Variants in SHKBP1 observed in about 807,000 individuals in gnomAD.
The protein encoded by SHKBP1 is SH3KBP1-binding protein 1.
A neutral mutation model predicts 83.9 loss-of-function variants in SHKBP1; 71 were observed. That is an observed-to-expected ratio of 0.85 (90% CI 0.70 to 1.03). The LOEUF (loss-of-function observed/expected upper bound fraction) is 1.03. Among genes scored for constraint, SHKBP1 ranks in the 50% least tolerant of loss-of-function variants. SHKBP1 has a pLI of 0.00. For missense variants in SHKBP1, 824 were observed against 982.4 expected, an observed-to-expected ratio of 0.84 and a Z score of 2.16; for synonymous variants, 371 against 398.0, an observed-to-expected ratio of 0.93 and a Z score of 0.81.
In SHKBP1 at chr19:40,577,569, A is replaced by C. The variant is rs749998403; in HGVS notation, c.199A>C (p.Arg67=). Residue 67 remains arginine (R), a synonymous_variant, in exon 4 of 18, where the codon AGG becomes CGG. Coordinates refer to ENST00000291842, the MANE Select transcript of SHKBP1 (RefSeq NM_138392.4). Reference sequence around the variant, plus strand: ...CCCTTTCCCGCAGATCTTCATCGACAGGGACCCTACAGTCTTCGCCCCCAT... The same window carrying C: ...CCCTTTCCCGCAGATCTTCATCGACCGGGACCCTACAGTCTTCGCCCCCAT... ...KDETGAIFID[R]DPTVFAPILN... The C allele has an allele frequency of 5.6e-6, 9 of 1,614,074 alleles. No individual in the cohort carries two copies. The South Asian group carries it at 9.9e-5, about 18-fold the overall frequency.
chr19:40,590,159 C>G lies in SHKBP1; in HGVS notation c.1590-85C>G. 1 of 1,404,666 alleles carries G rather than the reference C, an allele frequency of 7.1e-7. No individual in the cohort carries two copies. The highest frequency in any genetic ancestry group is 1.4e-5 in the South Asian group (1 of 71,204). 87.0% of individuals were successfully genotyped at this position (1,404,666 alleles called of 1,614,324 possible). On this transcript the variant is annotated intron_variant, in intron 15 of 17. Coordinates refer to ENST00000291842, the MANE Select transcript of SHKBP1 (RefSeq NM_138392.4). The surrounding 1 kb of genome is among the most constrained non-coding windows in gnomAD (Gnocchi z 4.6). ...AAGATTGGGATGGCCCCTGGAGAGG[C>G]AGGAACTGCAGCCACAGTGGTGGGG...
rs1258986473 is a variant in SHKBP1, at chr19:40,585,003, ATCT to A, written c.1165+1290_1165+1292del. ...TCCTTACCTATTCTAGGTTACAAAG[ATCT>A]TCTCCTGAATTTCTTCTAGAAGATT... On this transcript the variant is annotated intron_variant, in intron 12 of 17. Transcript: ENST00000291842. 2.0e-5 allele frequency among the ~76,000 whole-genome samples: 3 copies of A among 152,204 alleles called. No homozygotes were observed. In the East Asian group the frequency reaches 5.8e-4, roughly 29 times the overall value.
At position 40,582,479 on chromosome 19, in the gene SHKBP1, G is replaced by C; in HGVS notation, c.960+13G>C. ...CAAGCACTGGCAGGTCAGAGTTCTG[G>C]CCAGCCTGGCTGCCCCCTTCCCAGT... On this transcript the variant is annotated intron_variant, in intron 10 of 17. Coordinates refer to ENST00000291842, the MANE Select transcript of SHKBP1 (RefSeq NM_138392.4). 1 of 1,609,844 alleles carries C rather than the reference G, an allele frequency of 6.2e-7. No individual in the cohort carries two copies. Among genetic ancestry groups the C allele is most frequent in the Non-Finnish European group, 8.5e-7 (1 of 1,176,540 alleles).
rs1438736215 is a variant in SHKBP1 at position 40,588,674 on chromosome 19, G to A, written c.1387G>A (p.Gly463Ser). 3 of 1,614,026 alleles carry A rather than the reference G, an allele frequency of 1.9e-6. No individual in the cohort carries two copies. Among genetic ancestry groups the A allele is most frequent in the Non-Finnish European group, 2.5e-6 (3 of 1,180,026 alleles). ...VRTWSVTRFR[G>S]MISTQPGSTP... ...GACATGGTCTGTGACTCGCTTCCGCGGCATGATTTCCACCCAGCCCGGCTC... is the reference window on the plus strand; with the variant it reads ...GACATGGTCTGTGACTCGCTTCCGCAGCATGATTTCCACCCAGCCCGGCTC... Residue 463 changes from glycine (G) to serine (S), a missense_variant, in exon 14 of 18, where the codon GGC becomes AGC. Gly to Ser is a moderately conservative substitution (Grantham distance 56). Coordinates refer to ENST00000291842, the MANE Select transcript of SHKBP1 (RefSeq NM_138392.4).
intron 12 of SHKBP1, among the ~76,000 whole-genome samples, chr19:40,583,963 C>G (rs1466827701): frequency 6.6e-6 from 1 of 152,166 alleles, no homozygotes; most frequent in East Asian, 1.9e-4. Context: ...GCCTCAGCCT[C>G]CCAAGTAGCT....
chr19:40,582,034 C>G (rs2081274315), intron 9 of SHKBP1, among the ~76,000 whole-genome samples: 1 of 151,906 alleles, frequency 6.6e-6, no homozygotes, highest in South Asian at 2.1e-4. Context: ...AATTCTCCTT[C>G]CTCAACCTCC....
rs762052848 is a variant in SHKBP1 at position 40,580,450 on chromosome 19, G to A, written c.527G>A (p.Arg176Gln). 68 of 1,612,964 alleles carry A rather than the reference G, an allele frequency of 4.2e-5. No individual in the cohort carries two copies. The Middle Eastern group carries it at 1.8e-3, about 43-fold the overall frequency. The change falls in exon 7 of 18, where the codon CGA becomes CAA. Residue 176 changes from arginine to glutamine, a missense_variant. Around this residue, in one of 3 missense-constraint regions of SHKBP1, gnomAD observed 355 missense variants for 386.4 expected, o/e 0.92. Transcript: ENST00000291842. ...CTTGGCAATGCAGGGCTGCTGGGCC[G>A]AATGCTGGATGAGAAAACCCCTCCC... ...PNLGNAGLLG[R>Q]MLDEKTPPSP...
In SHKBP1 at chr19:40,576,892, CG is replaced by C; in HGVS notation, c.-3del. 10 of 1,452,548 alleles carry C rather than the reference CG, an allele frequency of 6.9e-6. No individual in the cohort carries two copies. Among genetic ancestry groups the C allele is most frequent in the African/African-American group, 1.4e-5 (1 of 69,362 alleles). The allele number at this position is 1,452,548 out of a possible 1,614,324, so 90.0% of individuals were successfully genotyped here. A position where few individuals can be genotyped will look rare whatever the true frequency, so the allele number is the denominator to read the frequency against. On this transcript the variant is annotated 5_prime_UTR_variant, in exon 1 of 18. Coordinates refer to ENST00000291842, the MANE Select transcript of SHKBP1 (RefSeq NM_138392.4). The stretch of plus-strand genomic sequence containing the variant: ...GTGGGTGCGGGCCAGCCGGCTCGCC[CG>C]GGGGCCATGGCAGCAGCGGCTACTG...
chr19:40,590,885 A>G lies in SHKBP1; in HGVS notation c.1892+32A>G. The stretch of plus-strand genomic sequence containing the variant: ...ACAACTCCACTGCCCCTTCTGTGCA[A>G]TGAGGGGAGAGGGGACAGCATGGTG... On this transcript the variant is annotated intron_variant, in intron 17 of 17. Transcript: ENST00000291842. This position sits in a 1 kb window ranked among gnomAD's most constrained non-coding sequence, Gnocchi z 4.6. 1.9e-6 allele frequency: 3 copies of G among 1,570,604 alleles called. No individual in the cohort carries two copies. The highest frequency in any genetic ancestry group is 2.6e-6 in the Non-Finnish European group (3 of 1,149,790).
At chr19:40,582,628 A>G (rs1397036424) in intron 10 of SHKBP1, 162 bp downstream of exon 10, 20 of 609,758 alleles carry the variant, frequency 3.3e-5, no homozygotes, top group Non-Finnish European at 5.1e-5. Context: ...TAAAGGCCTA[A>G]GGAGCACCAG....
At chr19:40,580,701 G>A in intron 8 of SHKBP1, 45 bp downstream of exon 8, 1 of 1,613,912 alleles carries the variant, frequency 6.2e-7, no homozygotes, top group Non-Finnish European at 8.5e-7. Flanking sequence ...CTGTTGATGG[G>A]AAGGGCATGC....
At position 40,590,215 on chromosome 19, in the gene SHKBP1, G is replaced by A; in HGVS notation, c.1590-29G>A. On this transcript the variant is annotated intron_variant, in intron 15 of 17. Coordinates refer to ENST00000291842, the MANE Select transcript of SHKBP1 (RefSeq NM_138392.4). The surrounding 1 kb of genome is among the most constrained non-coding windows in gnomAD (Gnocchi z 4.6). ...GACGAGGAAGGGTGAGAAAGCGAGG[G>A]TGACCACCTCCCCCACTGCACCCCC... The A allele has an allele frequency of 2.0e-6, 3 of 1,527,868 alleles. No homozygotes were observed. The highest frequency in any genetic ancestry group is 2.6e-6 in the Non-Finnish European group (3 of 1,136,532). 94.6% of individuals were successfully genotyped at this position (1,527,868 alleles called of 1,614,324 possible).
chr19:40,590,229 C>T lies in SHKBP1; in HGVS notation c.1590-15C>T, dbSNP rs527772042. 78 of 1,551,852 alleles carry T rather than the reference C, an allele frequency of 5.0e-5. No homozygotes were observed. The South Asian group carries it at 8.5e-4, about 17-fold the overall frequency. Reference sequence around the variant, plus strand: ...AGAAAGCGAGGGTGACCACCTCCCCCACTGCACCCCCCAGGGTGTGCTCCG... The same window carrying T: ...AGAAAGCGAGGGTGACCACCTCCCCTACTGCACCCCCCAGGGTGTGCTCCG... On this transcript the variant is annotated splice_polypyrimidine_tract_variant and intron_variant, in intron 15 of 17. Transcript: ENST00000291842. The surrounding 1 kb of genome is among the most constrained non-coding windows in gnomAD (Gnocchi z 4.6).
chr19:40,578,094 C>T (rs751162689), intron 4 of SHKBP1, 60 bp from the exon 5 acceptor site: 3 of 1,401,486 alleles, frequency 2.1e-6, no homozygotes, highest in African/African-American at 1.4e-5. Context: ...ATTACCCTCT[C>T]AGCATTCTCT....
At chr19:40,587,318 G>A (rs1242719634) in intron 13 of SHKBP1, among the ~76,000 whole-genome samples, 2 of 152,170 alleles carry the variant, frequency 1.3e-5, no homozygotes, top group Non-Finnish European at 2.9e-5. Context: ...GGCCAGCTGC[G>A]GTGGCTCACA....
intron 9 of SHKBP1, 52 bp downstream of exon 9, chr19:40,580,988 T>C (rs917096515): frequency 6.8e-7 from 1 of 1,469,926 alleles, no homozygotes; most frequent in African/African-American, 1.4e-5. Flanking sequence ...TTCTACTGCC[T>C]GTTAAAATGA....
chr19:40,577,761 G>A, intron 4 of SHKBP1, 131 bp downstream of exon 4: 1 of 1,196,692 alleles, frequency 8.4e-7, no homozygotes, highest in Non-Finnish European at 1.2e-6. Flanking sequence ...CACAGGCCGG[G>A]CGCGCCGGGA....
intron 12 of SHKBP1, among the ~76,000 whole-genome samples, chr19:40,586,077 T>A (rs1194607695): frequency 6.6e-6 from 1 of 152,104 alleles, no homozygotes; most frequent in Non-Finnish European, 1.5e-5. Context: ...ACTAGTTTTT[T>A]AAAAATCTTT....
intron 10 of SHKBP1, among the ~76,000 whole-genome samples, chr19:40,582,914 G>A (rs1374478319): frequency 6.6e-6 from 1 of 151,988 alleles, no homozygotes; most frequent in Admixed American, 6.6e-5. Flanking sequence ...ATCAGAAAGA[G>A]GTGACAGAGA....
Sources: allele counts gnomAD v4.1 joint callset (sites outside exome capture counted in the v4.1 genomes callset), GRCh38; gene constraint gnomAD v4.1.1; regional missense constraint gnomAD v4.1.1; non-coding constraint Gnocchi (gnomAD v3.1); transcripts MANE v1.5; gene names NCBI Gene and HGNC (gene_info 2026-07-23, HGNC 2026-07-21).